CDHR3: variants seen among roughly 807,000 people sequenced by gnomAD.
The protein encoded by CDHR3 is cadherin-related family member 3.
Under a neutral mutation model 86.6 loss-of-function variants are expected in CDHR3, and 79 were observed. The observed-to-expected ratio is 0.91, with a 90% CI of 0.76 to 1.10. The LOEUF is 1.10. Ranked by LOEUF, CDHR3 falls within the 50% of genes least tolerant of loss-of-function variation. The pLI, the probability that CDHR3 is intolerant of heterozygous loss-of-function variation, is 0.00. For synonymous variants in CDHR3, 421 were observed against 402.4 expected (o/e 1.05, Z -0.55); for missense variants, 1,081 against 1,077.6 (o/e 1.00, Z -0.04).
At chr7:106,000,200 A>C (rs554191507) in intron 6 of CDHR3, among the ~76,000 whole-genome samples, 38 of 152,360 alleles carry the variant, frequency 2.5e-4, no homozygotes, top group African/African-American at 8.4e-4. Flanking sequence ...TCAGTGGGAC[A>C]CTGGGGTGAC....
At chr7:106,011,682 A>C (rs1391546277) in intron 8 of CDHR3, among the ~76,000 whole-genome samples, 3 of 152,226 alleles carry the variant, frequency 2.0e-5, no homozygotes, top group Non-Finnish European at 2.9e-5. Flanking sequence ...ATTTATGTCC[A>C]TTTTATAGAT....
intron 3 of CDHR3, among the ~76,000 whole-genome samples, chr7:105,983,321 G>T (rs549577157): frequency 2.0e-5 from 3 of 152,150 alleles, no homozygotes; most frequent in Admixed American, 1.3e-4. Flanking sequence ...CAGATGTAAG[G>T]CATCTGGATT....
intron 11 of CDHR3, 67 bp from the exon 12 acceptor site, chr7:106,017,778 TC>T: frequency 7.7e-7 from 1 of 1,301,266 alleles, no homozygotes; most frequent in Non-Finnish European, 1.1e-6. Context: ...AGTTAGGACA[TC>T]TGTTCCTGAA....
chr7:106,035,089 A>G lies in CDHR3; in HGVS notation c.*2392A>G, dbSNP rs1050096222. On this transcript the variant is annotated 3_prime_UTR_variant, in exon 19 of 19. Coordinates refer to ENST00000317716, the MANE Select transcript of CDHR3 (RefSeq NM_152750.5). ...GGCAAAACTCTGTGTCAAGAAAAAA[A>G]AAAAAAAAAGAATAATTAAAAGGAG... is the stretch of plus-strand genomic sequence containing the variant. 5.6e-4 allele frequency among the ~76,000 whole-genome samples: 85 copies of G among 152,164 alleles called. No homozygotes were observed. Among genetic ancestry groups the G allele is most frequent in the Non-Finnish European group, 7.6e-4 (52 of 67,994 alleles).
Position 106,004,696 on chromosome 7 carries a change from A to C in CDHR3, c.1052+9A>C. ...CAAAAGTTCACCTTCAGGTATGCACACTTTGAAAGTTGGGCTGGACATTCT... is the reference window on the plus strand; with the variant it reads ...CAAAAGTTCACCTTCAGGTATGCACCCTTTGAAAGTTGGGCTGGACATTCT... On this transcript the variant is annotated intron_variant, in intron 8 of 18. Transcript: ENST00000317716. 6.2e-7 allele frequency: 1 copy of C among 1,613,826 alleles called. No individual in the cohort carries two copies. Among genetic ancestry groups the C allele is most frequent in the Non-Finnish European group, 8.5e-7 (1 of 1,179,812 alleles).
intron 13 of CDHR3, among the ~76,000 whole-genome samples, chr7:106,020,890 C>T (rs911763199): frequency 2.6e-5 from 4 of 152,168 alleles, no homozygotes; most frequent in African/African-American, 9.7e-5. Context: ...TTACTCCTCC[C>T]AGACCCCATA....
intron 9 of CDHR3, among the ~76,000 whole-genome samples, chr7:106,014,211 T>C (rs534086489): frequency 1.3e-5 from 2 of 152,302 alleles, no homozygotes; most frequent in African/African-American, 2.4e-5. Context: ...GCTGGGATTA[T>C]AGGCATGAGC....
Position 106,032,632 on chromosome 7 carries a change from A to T in CDHR3, c.2593A>T (p.Asn865Tyr). Residue 865 changes from asparagine (N) to tyrosine (Y), a missense_variant, in exon 19 of 19, where the codon AAC (asparagine) becomes TAC (tyrosine). Asn to Tyr is a moderately radical substitution (Grantham distance 143). Transcript: ENST00000317716. ...CAGAAATGAGGGTGGCAAGCTGGGC[A>T]ACCCAAAGAACAGAAATCCAGCCTT... ...GSRNEGGKLG[N>Y]PKNRNPAFMN... 1 of 1,613,842 alleles carries T rather than the reference A, an allele frequency of 6.2e-7. No homozygotes were observed. Among genetic ancestry groups the T allele is most frequent in the South Asian group, 1.1e-5 (1 of 91,034 alleles).
chr7:105,992,008 A>G (rs991330084), intron 4 of CDHR3, among the ~76,000 whole-genome samples: 1 of 152,194 alleles, frequency 6.6e-6, no homozygotes. Context: ...AACTTAATTT[A>G]TTACCCTAAT....
chr7:105,985,234 G>A (rs1013788317), intron 4 of CDHR3, among the ~76,000 whole-genome samples: 4 of 152,152 alleles, frequency 2.6e-5, no homozygotes, highest in Non-Finnish European at 5.9e-5. Flanking sequence ...CCAATCCTCA[G>A]GTGAAGCCTC....
chr7:106,014,973 T>C, intron 9 of CDHR3, 138 bp from the exon 10 acceptor site: 1 of 630,446 alleles, frequency 1.6e-6, no homozygotes, highest in East Asian at 2.8e-5. Context: ...TTAAAGCTCC[T>C]AATTTTTATG....
chr7:106,020,956 A>G (rs907612383), intron 13 of CDHR3, among the ~76,000 whole-genome samples: 3 of 152,196 alleles, frequency 2.0e-5, no homozygotes, highest in African/African-American at 7.2e-5. Context: ...TGACTACAGT[A>G]TGAGTCATAA....
In CDHR3 at chr7:106,012,233, T is replaced by C. The variant is rs999797867; in HGVS notation, c.1053-627T>C. On this transcript the variant is annotated intron_variant, in intron 8 of 18. Coordinates refer to ENST00000317716, the MANE Select transcript of CDHR3 (RefSeq NM_152750.5). Reference sequence around the variant, plus strand: ...ATAAGCAGAATAAATAAGAGAAATATATGGTGTACCAGATAATGATGTGTG... The same window carrying C: ...ATAAGCAGAATAAATAAGAGAAATACATGGTGTACCAGATAATGATGTGTG... Among the ~76,000 whole-genome samples, 3 of 152,080 alleles carry C rather than the reference T, an allele frequency of 2.0e-5. No individual in the cohort carries two copies. In the East Asian group the frequency reaches 5.8e-4, roughly 29 times the overall value.
intron 3 of CDHR3, 50 bp from the exon 4 acceptor site, chr7:105,984,142 A>G (rs148681075): frequency 2.5e-6 from 3 of 1,207,890 alleles, no homozygotes; most frequent in East Asian, 5.1e-5. Flanking sequence ...GGAATTCCCC[A>G]TTTTTGCTTT....
At chr7:106,021,985 G>C (rs1457746957) in intron 13 of CDHR3, among the ~76,000 whole-genome samples, 3 of 152,196 alleles carry the variant, frequency 2.0e-5, no homozygotes, top group Non-Finnish European at 4.4e-5. Flanking sequence ...AGCCACACTG[G>C]TTGTGAGCAA....
At chr7:105,991,801 C>T (rs892855210) in intron 4 of CDHR3, among the ~76,000 whole-genome samples, 37 of 152,212 alleles carry the variant, frequency 2.4e-4, no homozygotes, top group African/African-American at 8.9e-4. Context: ...GAAGCCCTTT[C>T]CCTCATGGAT....
rs1838832268 is a variant in CDHR3, at chr7:106,035,369, G to A, written c.*2672G>A. ...AGGAGGAGAGAACACCTGCTGCCCC[G>A]TTTCTTTTGTATATCCGGCTATTTG... On this transcript the variant is annotated 3_prime_UTR_variant, in exon 19 of 19. Transcript: ENST00000317716. Among the ~76,000 whole-genome samples, 2 of 152,120 alleles carry A rather than the reference G, an allele frequency of 1.3e-5. No individual in the cohort carries two copies. Among genetic ancestry groups the A allele is most frequent in the Non-Finnish European group, 2.9e-5 (2 of 68,008 alleles).
intron 1 of CDHR3, 83 bp downstream of exon 1, chr7:105,963,447 G>A: frequency 6.9e-7 from 1 of 1,451,478 alleles, no homozygotes; most frequent in South Asian, 1.2e-5. Context: ...CCCCAGAAAG[G>A]AAATTGCCCC....
intron 1 of CDHR3, among the ~76,000 whole-genome samples, chr7:105,965,578 T>G: frequency 3.4e-5 from 1 of 29,376 alleles, no homozygotes; most frequent in Non-Finnish European, 1.0e-4. Context: ...CCCCCCCCCA[T>G]GGAGTCTTCC....
Sources: gnomAD v4.1 joint callset for allele counts (sites outside exome capture counted in the v4.1 genomes callset) on GRCh38, gnomAD v4.1.1 for gene constraint, MANE v1.5 for transcripts, NCBI Gene and HGNC (gene_info 2026-07-23, HGNC 2026-07-21) for gene names.